Variants in RABGAP1L observed in about 807,000 individuals in gnomAD.
The protein encoded by RABGAP1L is RAB GTPase activating protein 1 like, also known as rab GTPase-activating protein 1-like.
A neutral mutation model predicts 137.7 loss-of-function variants in RABGAP1L; 63 were observed. That is an observed-to-expected ratio of 0.46 (90% CI 0.37 to 0.56). The LOEUF (loss-of-function observed/expected upper bound fraction) is 0.56. Among genes scored for constraint, RABGAP1L ranks in the 20% least tolerant of loss-of-function variants. The probability of loss-of-function intolerance (pLI) is 0.00; values close to 1 mark genes in which losing one functional copy is unlikely to be tolerated. For missense variants in RABGAP1L, 1,095 were observed against 1,244.0 expected (o/e 0.88, Z 1.80); for synonymous variants, 431 against 433.7 (o/e 0.99, Z 0.08).
At chr1:174,984,367 C>A (rs2149391699) in intron 24 of RABGAP1L, among the ~76,000 whole-genome samples, 1 of 152,312 alleles carries the variant, frequency 6.6e-6, no homozygotes, top group East Asian at 1.9e-4. Flanking sequence ...ATAGAAATTA[C>A]ACATGAAAAG....
At chr1:174,309,293 G>A (rs1450087902) in intron 11 of RABGAP1L, among the ~76,000 whole-genome samples, 1 of 151,990 alleles carries the variant, frequency 6.6e-6, no homozygotes, top group Non-Finnish European at 1.5e-5. Flanking sequence ...ATAAGATAAT[G>A]TCATCTGCAA....
intron 15 of RABGAP1L, among the ~76,000 whole-genome samples, chr1:174,688,588 A>C (rs188371365): frequency 8.5e-5 from 13 of 152,266 alleles, no homozygotes; most frequent in Admixed American, 5.2e-4. Flanking sequence ...GCACTTGTAC[A>C]TCAAAATACA....
chr1:174,772,071 T>C (rs956407928), intron 18 of RABGAP1L, among the ~76,000 whole-genome samples: 1 of 151,838 alleles, frequency 6.6e-6, no homozygotes, highest in East Asian at 1.9e-4. Context: ...TGGTGGTGGG[T>C]GCCTGTAATC....
chr1:174,804,470 C>T (rs949915904), intron 18 of RABGAP1L, among the ~76,000 whole-genome samples: 2 of 151,890 alleles, frequency 1.3e-5, no homozygotes, highest in Non-Finnish European at 2.9e-5. Context: ...GAGGTTTCAT[C>T]TCATCTCTAC....
chr1:174,173,181 A>G (rs888292495), intron 1 of RABGAP1L, among the ~76,000 whole-genome samples: 14 of 149,564 alleles, frequency 9.4e-5, no homozygotes, highest in African/African-American at 2.7e-4. Flanking sequence ...CCCAGGCTGG[A>G]GTGCAATGGC....
chr1:174,799,908 A>G lies in RABGAP1L; in HGVS notation c.2212-11924A>G, dbSNP rs1434838373. On this transcript the variant is annotated intron_variant, in intron 18 of 25. Transcript: ENST00000681986. The stretch of plus-strand genomic sequence containing the variant: ...GCTGCTGCTGTCTTCTCACACATAG[A>G]CACGCACACACACCCTTTCTCGCAC... 5 of 989,608 alleles carry G rather than the reference A, an allele frequency of 5.1e-6. No homozygotes were observed. In the African/African-American group the frequency reaches 5.3e-5, roughly 10 times the overall value. 61.3% of individuals were successfully genotyped at this position (989,608 alleles called of 1,614,324 possible).
chr1:174,734,560 C>T (rs535345367), intron 17 of RABGAP1L, among the ~76,000 whole-genome samples: 3 of 152,136 alleles, frequency 2.0e-5, no homozygotes, highest in African/African-American at 7.2e-5. Flanking sequence ...AATTAGGAGA[C>T]AGAAACTTGG....
chr1:174,318,584 C>CTTTCTTTCTT, intron 11 of RABGAP1L, among the ~76,000 whole-genome samples: 1 of 95,814 alleles, frequency 1.0e-5, no homozygotes, highest in East Asian at 2.6e-4. Context: ...TGATTGTTTT[C>CTTTCTTTCTT]TTTCTTTCTT....
chr1:174,443,548 T>C (rs1237969628), intron 13 of RABGAP1L, among the ~76,000 whole-genome samples: 1 of 152,012 alleles, frequency 6.6e-6, no homozygotes, highest in African/African-American at 2.4e-5. Context: ...TTCAGATCTT[T>C]TGCTGACTTT....
chr1:174,849,985 G>T, intron 19 of RABGAP1L: 1 of 723,084 alleles, frequency 1.4e-6, no homozygotes, highest in Non-Finnish European at 2.4e-6. Flanking sequence ...AGAAATGACA[G>T]CAGCTTGTCA....
intron 13 of RABGAP1L, among the ~76,000 whole-genome samples, chr1:174,571,960 G>A (rs1668013126): frequency 6.6e-6 from 1 of 152,046 alleles, no homozygotes; most frequent in South Asian, 2.1e-4. Flanking sequence ...CTTTAGGAAC[G>A]CCTCACAAAT....
At chr1:174,711,818 C>T (rs1680548114) in intron 17 of RABGAP1L, among the ~76,000 whole-genome samples, 1 of 152,246 alleles carries the variant, frequency 6.6e-6, no homozygotes, top group African/African-American at 2.4e-5. Context: ...TGGGTACCTC[C>T]ACCCATGGCC....
At chr1:174,470,167 G>C (rs1175567518) in intron 13 of RABGAP1L, among the ~76,000 whole-genome samples, 1 of 152,064 alleles carries the variant, frequency 6.6e-6, no homozygotes, top group Non-Finnish European at 1.5e-5. Flanking sequence ...TCGCAGAATA[G>C]ATATCATTCC....
chr1:174,515,620 A>G (rs1298251117), intron 13 of RABGAP1L, among the ~76,000 whole-genome samples: 1 of 152,140 alleles, frequency 6.6e-6, no homozygotes, highest in Non-Finnish European at 1.5e-5. Context: ...AATGTTTGTT[A>G]TTGCTACAAC....
At chr1:174,231,608 T>C (rs548987089) in intron 4 of RABGAP1L, among the ~76,000 whole-genome samples, 1 of 152,298 alleles carries the variant, frequency 6.6e-6, no homozygotes, top group East Asian at 1.9e-4. Flanking sequence ...TAACTGGCTC[T>C]TGGTTCTGCA....
At chr1:174,864,447 G>A (rs1013638679) in intron 19 of RABGAP1L, among the ~76,000 whole-genome samples, 5 of 152,174 alleles carry the variant, frequency 3.3e-5, no homozygotes, top group Non-Finnish European at 7.3e-5. Context: ...GCATGGCTGG[G>A]GAGGCCTCAG....
intron 13 of RABGAP1L, among the ~76,000 whole-genome samples, chr1:174,536,202 GA>G (rs912761768): frequency 2.6e-3 from 363 of 142,096 alleles, no homozygotes; most frequent in African/African-American, 6.7e-3. Flanking sequence ...AGTGTCAGGG[GA>G]AAAAAAAAAA....
intron 10 of RABGAP1L, among the ~76,000 whole-genome samples, chr1:174,294,165 G>A (rs1363401585): frequency 6.6e-6 from 1 of 152,124 alleles, no homozygotes; most frequent in African/African-American, 2.4e-5. Context: ...CTTGCTACCT[G>A]ATAAACAACA....
At chr1:174,382,808 T>A (rs1359121560) in intron 12 of RABGAP1L, among the ~76,000 whole-genome samples, 1 of 151,624 alleles carries the variant, frequency 6.6e-6, no homozygotes, top group African/African-American at 2.4e-5. Flanking sequence ...TCATTCTCCA[T>A]CCAGCTTTGT....
Sources: allele counts gnomAD v4.1 joint callset (sites outside exome capture counted in the v4.1 genomes callset), GRCh38; gene constraint gnomAD v4.1.1; transcripts MANE v1.5; gene names NCBI Gene and HGNC (gene_info 2026-07-23, HGNC 2026-07-21).